Variants in DNAJA4 observed in about 807,000 individuals in gnomAD.
The protein encoded by DNAJA4 is dnaJ homolog subfamily A member 4.
In DNAJA4, 32 loss-of-function variants were observed where a neutral mutation model predicts 39.7. The ratio of observed to expected loss-of-function variants is 0.81; its 90% confidence interval spans 0.61 to 1.08. DNAJA4 has a LOEUF of 1.08. Among genes scored for constraint, DNAJA4 ranks in the 50% least tolerant of loss-of-function variants. The pLI, the probability that DNAJA4 is intolerant of heterozygous loss-of-function variation, is 0.00. For synonymous variants in DNAJA4, 184 were observed against 182.4 expected, an observed-to-expected ratio of 1.01 and a Z score of -0.07; for missense variants, 439 against 505.1, an observed-to-expected ratio of 0.87 and a Z score of 1.25.
chr15:78,266,777 C>A (rs995750212), intron 1 of DNAJA4, among the ~76,000 whole-genome samples: 1 of 152,202 alleles, frequency 6.6e-6, no homozygotes, highest in Non-Finnish European at 1.5e-5. Flanking sequence ...GTAAGCAGGG[C>A]AGTGACTGTG....
intron 1 of DNAJA4, 172 bp from the exon 2 acceptor site, chr15:78,270,325 C>T: frequency 3.2e-6 from 2 of 629,448 alleles, no homozygotes; most frequent in Non-Finnish European, 5.4e-6. Context: ...CCCACTTTAC[C>T]AAAGGAGTAG....
chr15:78,271,345 C>T (rs1475022777), intron 2 of DNAJA4, among the ~76,000 whole-genome samples: 16 of 152,114 alleles, frequency 1.1e-4, no homozygotes, highest in Non-Finnish European at 5.9e-5. Context: ...GATCCTTTAC[C>T]GAGAGTGTTC....
chr15:78,280,421 A>C lies in DNAJA4; in HGVS notation c.1155A>C (p.Glu385Asp). 1.2e-6 allele frequency: 2 copies of C among 1,613,622 alleles called. No homozygotes were observed. Among genetic ancestry groups the C allele is most frequent in the Non-Finnish European group, 1.7e-6 (2 of 1,179,940 alleles). Residue 385 changes from glutamate to aspartate, a missense_variant, in exon 7 of 7, where the codon GAA becomes GAC. Glu to Asp is a conservative substitution (Grantham distance 45, BLOSUM62 2). Coordinates refer to ENST00000394852, the MANE Select transcript of DNAJA4 (RefSeq NM_001130182.2). Reference sequence around the variant, plus strand: ...ACAGGGAGGCCTACGAGGAGGACGAAGACGGGCCCCAGGCTGGAGTGCAGT... The same window carrying C: ...ACAGGGAGGCCTACGAGGAGGACGACGACGGGCCCCAGGCTGGAGTGCAGT... Reference protein sequence around the residue: ...RQHREAYEEDEDGPQAGVQCQ... With the variant: ...RQHREAYEEDDDGPQAGVQCQ...
At position 78,264,861 on chromosome 15, in the gene DNAJA4, A is replaced by G. The variant is rs775383535; in HGVS notation, c.98A>G (p.Tyr33Cys). Residue 33 changes from tyrosine (Y) to cysteine (C), a missense_variant, in exon 1 of 7, where the codon TAC becomes TGC. By Grantham distance (194) the Tyr-to-Cys change is radical. Transcript: ENST00000394852. Reference protein sequence around the residue: ...KKAYRKLALKYHPDKNPDEGE... With the variant: ...KKAYRKLALKCHPDKNPDEGE... The stretch of plus-strand genomic sequence containing the variant: ...GCCTATCGGAAGCTGGCGCTCAAGT[A>G]CCACCCGGACAAGAACCCGGATGAG... The G allele has an allele frequency of 5.1e-5, 82 of 1,602,752 alleles. No individual in the cohort carries two copies. The South Asian group carries it at 8.7e-4, about 17-fold the overall frequency.
At chr15:78,266,776 G>A (rs4887025) in intron 1 of DNAJA4, among the ~76,000 whole-genome samples, 56,207 of 152,066 alleles carry the variant, frequency 0.37, 10,673 homozygotes, top group Middle Eastern at 0.43. Flanking sequence ...TGTAAGCAGG[G>A]CAGTGACTGT....
intron 4 of DNAJA4, chr15:78,274,633 G>T (rs2049396842): frequency 5.1e-6 from 3 of 589,836 alleles, no homozygotes; most frequent in South Asian, 2.0e-5. Flanking sequence ...TCTTGCTGAG[G>T]TTTACTTCCT....
intron 1 of DNAJA4, chr15:78,266,169 T>G: frequency 6.4e-7 from 1 of 1,555,060 alleles, no homozygotes; most frequent in Non-Finnish European, 8.8e-7. Context: ...TTCATTGTGG[T>G]CCGCTTCTGA....
intron 4 of DNAJA4, chr15:78,275,251 C>T (rs1006203151): frequency 2.2e-5 from 11 of 507,526 alleles, no homozygotes; most frequent in Non-Finnish European, 3.2e-5. Context: ...CTGTGTAAAC[C>T]TGGGATGTAG....
intron 2 of DNAJA4, among the ~76,000 whole-genome samples, chr15:78,272,659 A>G (rs1343527108): frequency 6.6e-6 from 1 of 152,256 alleles, no homozygotes; most frequent in Non-Finnish European, 1.5e-5. Flanking sequence ...CTCAGAAAGT[A>G]AAGTGCTTTA....
intron 1 of DNAJA4, 23 bp from the exon 2 acceptor site, chr15:78,270,472 ATC>A (rs536069277): frequency 4.8e-3 from 6,744 of 1,400,162 alleles, no homozygotes; most frequent in South Asian, 7.7e-3. Context: ...TTCTCTAAAA[ATC>A]TCTCTCTCTC....
Position 78,279,175 on chromosome 15 carries a change from A to G in DNAJA4, c.878-870A>G, listed in dbSNP as rs559655279. On this transcript the variant is annotated intron_variant, in intron 5 of 6. Coordinates refer to ENST00000394852, the MANE Select transcript of DNAJA4 (RefSeq NM_001130182.2). The surrounding 1 kb of genome is among the most constrained non-coding windows in gnomAD (Gnocchi z 4.5). ...CCTCTTTAAAGATTTCCTCTTGAAGAGACAGCTCACTTTCTACATAGTCCC... is the reference window on the plus strand; with the variant it reads ...CCTCTTTAAAGATTTCCTCTTGAAGGGACAGCTCACTTTCTACATAGTCCC... The G allele has an allele frequency of 1.3e-5, 2 of 152,288 alleles. No homozygotes were observed. Among genetic ancestry groups the G allele is most frequent in the Admixed American group, 1.3e-4 (2 of 15,306 alleles). 9.4% of individuals were successfully genotyped at this position (152,288 alleles called of 1,614,324 possible). A position where few individuals can be genotyped will look rare whatever the true frequency, so the allele number is the denominator to read the frequency against.
chr15:78,279,979 T>G lies in DNAJA4; in HGVS notation c.878-66T>G. On this transcript the variant is annotated intron_variant, in intron 5 of 6. Coordinates refer to ENST00000394852, the MANE Select transcript of DNAJA4 (RefSeq NM_001130182.2). This position sits in a 1 kb window ranked among gnomAD's most constrained non-coding sequence, Gnocchi z 4.5. ...CTAGGGCCTGCCGCAGGCTCTCCCA[T>G]GAGGGAGAACGACCTCTGCAGGCCC... The G allele has an allele frequency of 2.0e-6, 3 of 1,467,834 alleles. No homozygotes were observed. Among genetic ancestry groups the G allele is most frequent in the Non-Finnish European group, 1.9e-6 (2 of 1,054,566 alleles). The allele number at this position is 1,467,834 out of a possible 1,614,324, so 90.9% of individuals were successfully genotyped here.
chr15:78,270,436 G>C, intron 1 of DNAJA4, 61 bp from the exon 2 acceptor site: 1 of 1,550,024 alleles, frequency 6.5e-7, no homozygotes. Flanking sequence ...TTATATGGCA[G>C]GTTTGCTTAA....
At chr15:78,277,828 C>A (rs1041953609) in intron 5 of DNAJA4, 1 of 349,886 alleles carries the variant, frequency 2.9e-6, no homozygotes, top group Non-Finnish European at 5.6e-6. Flanking sequence ...TGGCAAATCC[C>A]AAGAAATCCA....
chr15:78,278,020 CCCTCTTCTT>C (rs536215983), intron 5 of DNAJA4: 53 of 455,848 alleles, frequency 1.2e-4, no homozygotes, highest in African/African-American at 1.0e-3. Flanking sequence ...TTTCTCTTCT[CCCTCTTCTT>C]CCTCTTTTCT....
intron 4 of DNAJA4, chr15:78,275,260 A>C: frequency 1.9e-6 from 1 of 523,268 alleles, no homozygotes; most frequent in East Asian, 3.1e-5. Context: ...CCTGGGATGT[A>C]GAGCCGCATT....
upstream of DNAJA4, chr15:78,264,280 C>A: frequency 7.4e-7 from 1 of 1,355,258 alleles, no homozygotes; most frequent in Non-Finnish European, 9.5e-7. Context: ...GGAGGGCGCC[C>A]TCCAGGCCCA....
In DNAJA4 at chr15:78,266,676, T is replaced by G. The variant is rs562779632; in HGVS notation, c.132+1781T>G. Among the ~76,000 whole-genome samples, 34 of 152,346 alleles carry G rather than the reference T, an allele frequency of 2.2e-4. 2 individuals are homozygous for G. In the South Asian group the frequency reaches 7.0e-3, roughly 32 times the overall value. On this transcript the variant is annotated intron_variant, in intron 1 of 6. Transcript: ENST00000394852. ...CATAGACTGAACCACAGGCCCAACG[T>G]GCATCCTACTTTAATGGTGATTACT...
chr15:78,269,136 G>A (rs1163582078), intron 1 of DNAJA4, among the ~76,000 whole-genome samples: 3 of 152,230 alleles, frequency 2.0e-5, no homozygotes, highest in African/African-American at 7.2e-5. Flanking sequence ...CAGGTGCCAA[G>A]TTGGGCTTAT....
Sources: allele counts gnomAD v4.1 joint callset (sites outside exome capture counted in the v4.1 genomes callset), GRCh38; gene constraint gnomAD v4.1.1; non-coding constraint Gnocchi (gnomAD v3.1); transcripts MANE v1.5; gene names NCBI Gene and HGNC (gene_info 2026-07-23, HGNC 2026-07-21).